UTS2R: variants seen among roughly 807,000 people sequenced by gnomAD.
UTS2R encodes urotensin-2 receptor.
For missense variants in UTS2R, 653 were observed against 562.2 expected (o/e 1.16, Z -1.63); for synonymous variants, 335 against 280.9 (o/e 1.19, Z -1.93).
rs2052453953 is a variant in UTS2R, at chr17:82,371,865, G to A, written c.-451G>A. 6.6e-6 allele frequency among the ~76,000 whole-genome samples: 1 copy of A among 151,504 alleles called. No individual in the cohort carries two copies. The highest frequency in any genetic ancestry group is 2.1e-4 in the South Asian group (1 of 4,828). ...CGGGACTGGCGGGCGCCCCTGCCGT[G>A]TGCTCTGGAAGCCGAGGCCACCGCG... On this transcript the variant is annotated 5_prime_UTR_variant, in exon 1 of 3. It adds an upstream start codon to the 5' untranslated region. Transcript: ENST00000313135. The surrounding 1 kb of genome is among the most constrained non-coding windows in gnomAD (Gnocchi z 6.3).
At chr17:82,373,642 CGACT>C (rs1192958178) in intron 2 of UTS2R, among the ~76,000 whole-genome samples, 4 of 152,206 alleles carry the variant, frequency 2.6e-5, no homozygotes, top group Admixed American at 6.5e-5. Flanking sequence ...TCCAGAACCT[CGACT>C]GACTGATTTA....
chr17:82,373,547 T>C (rs1229369738), intron 2 of UTS2R, among the ~76,000 whole-genome samples: 1 of 152,258 alleles, frequency 6.6e-6, no homozygotes, highest in Non-Finnish European at 1.5e-5. Flanking sequence ...GAAACCCATT[T>C]GCTTAGTCTT....
Position 82,375,664 on chromosome 17 carries a change from C to T in UTS2R, c.*170C>T. On this transcript the variant is annotated 3_prime_UTR_variant, in exon 3 of 3. Transcript: ENST00000313135. ...CCTTCCCGTGATGCCCAGAAGCGCCCACCCGCCTCCCTGAGGGTCTCCAGG... is the reference window on the plus strand; with the variant it reads ...CCTTCCCGTGATGCCCAGAAGCGCCTACCCGCCTCCCTGAGGGTCTCCAGG... 2.1e-6 allele frequency: 1 copy of T among 476,280 alleles called. No homozygotes were observed. Among genetic ancestry groups the T allele is most frequent in the Admixed American group, 4.4e-5 (1 of 22,926 alleles). The allele number at this position is 476,280 out of a possible 1,614,324, so 29.5% of individuals were successfully genotyped here.
Position 82,375,459 on chromosome 17 carries a change from C to T in UTS2R, c.1135C>T (p.Arg379Ter), listed in dbSNP as rs760105832. 8.6e-6 allele frequency: 13 copies of T among 1,515,238 alleles called. No homozygotes were observed. Among genetic ancestry groups the T allele is most frequent in the African/African-American group, 4.3e-5 (3 of 69,206 alleles). The allele number at this position is 1,515,238 out of a possible 1,614,324, so 93.9% of individuals were successfully genotyped here. ...SLVLAPAAPA[R>*]PAPEGPRAPA ...CGTGCTGGCCCCAGCGGCCCCGGCC[C>T]GACCTGCGCCCGAGGGTCCCAGGGC... The change falls in exon 3 of 3, where the codon CGA becomes TGA. Residue 379 changes from arginine to a stop codon, truncating the protein, a stop_gained. Transcript: ENST00000313135. LOFTEE classifies it low-confidence loss of function (END_TRUNC).
In UTS2R at chr17:82,375,251, C is replaced by T. The variant is rs1371720280; in HGVS notation, c.927C>T (p.Cys309=). ...CCTGCCTCACCTACGGCAACAGCTG[C>T]GCCAACCCCTTCCTCTACACGCTGC... ...LTTCLTYGNS[C]ANPFLYTLLT... The change falls in exon 3 of 3, where the codon TGC becomes TGT. Residue 309 remains cysteine, a synonymous_variant. Transcript: ENST00000313135. The T allele has an allele frequency of 1.3e-6, 2 of 1,580,806 alleles. No individual in the cohort carries two copies. The highest frequency in any genetic ancestry group is 2.3e-5 in the East Asian group (1 of 42,796).
At chr17:82,372,233 C>G (rs77272176) in intron 1 of UTS2R, among the ~76,000 whole-genome samples, 186 bp downstream of exon 1, 2 of 152,148 alleles carry the variant, frequency 1.3e-5, no homozygotes, top group Non-Finnish European at 2.9e-5. Context: ...CCCTAGCGAC[C>G]CTGGAGCAAT....
In UTS2R at chr17:82,373,859, C is replaced by T. The variant is rs367554276; in HGVS notation, c.-82-384C>T. On this transcript the variant is annotated intron_variant, in intron 2 of 2. Coordinates refer to ENST00000313135, the MANE Select transcript of UTS2R (RefSeq NM_018949.3). Reference sequence around the variant, plus strand: ...AGAAAGGACTCAGGAGTAAGTGGGCCCCACCTGTGCACAGACAAGAAAGTG... The same window carrying T: ...AGAAAGGACTCAGGAGTAAGTGGGCTCCACCTGTGCACAGACAAGAAAGTG... Among the ~76,000 whole-genome samples, 7 of 152,318 alleles carry T rather than the reference C, an allele frequency of 4.6e-5. No individual in the cohort carries two copies. In the East Asian group the frequency reaches 1.2e-3, roughly 25 times the overall value.
chr17:82,374,851 T>C lies in UTS2R; in HGVS notation c.527T>C (p.Leu176Pro), dbSNP rs888697817. The change falls in exon 3 of 3, where the codon CTG becomes CCG. Residue 176 changes from leucine (L) to proline (P), a missense_variant. Leu to Pro is a moderately conservative substitution (Grantham distance 98). Coordinates refer to ENST00000313135, the MANE Select transcript of UTS2R (RefSeq NM_018949.3). ...CTGCTGGCGCTGGGCACCTGGCTGC[T>C]GGCGCTGCTGCTGACGCTGCCCGTG... ...RKLLALGTWL[L>P]ALLLTLPVML... The C allele has an allele frequency of 2.9e-6, 4 of 1,388,084 alleles. No individual in the cohort carries two copies. The highest frequency in any genetic ancestry group is 3.0e-6 in the Non-Finnish European group (3 of 1,006,208). 86.0% of individuals were successfully genotyped at this position (1,388,084 alleles called of 1,614,324 possible).
rs1016333715 is a variant in UTS2R, at chr17:82,377,020, A to G, written c.*1526A>G. Among the ~76,000 whole-genome samples, 4 of 152,210 alleles carry G rather than the reference A, an allele frequency of 2.6e-5. No individual in the cohort carries two copies. Among genetic ancestry groups the G allele is most frequent in the Non-Finnish European group, 4.4e-5 (3 of 68,040 alleles). The stretch of plus-strand genomic sequence containing the variant: ...TGACAATGGCGGTTTTGTGGAATAG[A>G]AAGGCAGGAAAGGTGGGGAAAAGAT... On this transcript the variant is annotated 3_prime_UTR_variant, in exon 3 of 3. Transcript: ENST00000313135.
chr17:82,372,871 A>G (rs2052460474), intron 2 of UTS2R, among the ~76,000 whole-genome samples, 88 bp downstream of exon 2: 1 of 152,220 alleles, frequency 6.6e-6, no homozygotes, highest in Admixed American at 6.5e-5. Flanking sequence ...AAGCGGCGGC[A>G]CAGTCCAGGT....
In UTS2R at chr17:82,375,471, G is replaced by T; in HGVS notation, c.1147G>T (p.Glu383Ter). ...APAAPARPAPEGPRAPA is the reference protein window; with the variant it reads ...APAAPARPAP ...AGCGGCCCCGGCCCGACCTGCGCCCGAGGGTCCCAGGGCCCCGGCGTGAGC... is the reference window on the plus strand; with the variant it reads ...AGCGGCCCCGGCCCGACCTGCGCCCTAGGGTCCCAGGGCCCCGGCGTGAGC... The change falls in exon 3 of 3, where the codon GAG (glutamate) becomes TAG (stop). Residue 383 changes from glutamate to a stop codon, truncating the protein, a stop_gained. Coordinates refer to ENST00000313135, the MANE Select transcript of UTS2R (RefSeq NM_018949.3). LOFTEE classifies it high-confidence loss of function. The T allele has an allele frequency of 6.8e-7, 1 of 1,466,754 alleles. No homozygotes were observed. The highest frequency in any genetic ancestry group is 9.1e-7 in the Non-Finnish European group (1 of 1,098,758). The allele number at this position is 1,466,754 out of a possible 1,614,324, so 90.9% of individuals were successfully genotyped here.
In UTS2R at chr17:82,375,295, A is replaced by T; in HGVS notation, c.971A>T (p.Asp324Val). ...ACGCTGCTCACCAGGAACTACCGCG[A>T]CCACCTGCGCGGCCGCGTGCGGGGC... The part of the protein sequence containing the change: ...LYTLLTRNYR[D>V]HLRGRVRGPG... Residue 324 changes from aspartate to valine, a missense_variant, in exon 3 of 3, where the codon GAC (aspartate) becomes GTC (valine). Coordinates refer to ENST00000313135, the MANE Select transcript of UTS2R (RefSeq NM_018949.3). 1 of 1,552,316 alleles carries T rather than the reference A, an allele frequency of 6.4e-7. No individual in the cohort carries two copies.
Position 82,375,366 on chromosome 17 carries a change from C to T in UTS2R, c.1042C>T (p.Arg348Cys), listed in dbSNP as rs2052487260. The change falls in exon 3 of 3, where the codon CGC becomes TGC. Residue 348 changes from arginine to cysteine, a missense_variant. By Grantham distance (180) the Arg-to-Cys change is radical. Transcript: ENST00000313135. ...GGGGCCCGTTCCCTCCCTGCAGCCC[C>T]GCGCCCGCTTCCAGCGCTGTTCGGG... ...GRGPVPSLQP[R>C]ARFQRCSGRS... The T allele has an allele frequency of 1.3e-6, 2 of 1,578,056 alleles. No homozygotes were observed. Among genetic ancestry groups the T allele is most frequent in the Non-Finnish European group, 1.7e-6 (2 of 1,167,394 alleles).
At chr17:82,372,136 C>T (rs948963588) in intron 1 of UTS2R, among the ~76,000 whole-genome samples, 89 bp downstream of exon 1, 14 of 152,112 alleles carry the variant, frequency 9.2e-5, no homozygotes, top group Non-Finnish European at 1.9e-4. Context: ...CGGGGTTTCG[C>T]GGTGGGAACC....
chr17:82,374,450 C>G lies in UTS2R; in HGVS notation c.126C>G (p.Pro42=). 1 of 1,600,124 alleles carries G rather than the reference C, an allele frequency of 6.2e-7. No homozygotes were observed. Among genetic ancestry groups the G allele is most frequent in the Non-Finnish European group, 8.5e-7 (1 of 1,175,838 alleles). ...LNSSWASPTE[P]SSLEDLVATG... ...GCTCCTGGGCCAGCCCGACCGAGCC[C>G]AGCTCCCTGGAGGACCTGGTGGCCA... Residue 42 remains proline (P), a synonymous_variant, in exon 3 of 3, where the codon CCC becomes CCG. Coordinates refer to ENST00000313135, the MANE Select transcript of UTS2R (RefSeq NM_018949.3).
chr17:82,375,245 C>T lies in UTS2R; in HGVS notation c.921C>T (p.Asn307=). Residue 307 remains asparagine (N), a synonymous_variant, in exon 3 of 3, where the codon AAC becomes AAT. Coordinates refer to ENST00000313135, the MANE Select transcript of UTS2R (RefSeq NM_018949.3). ...TGACCACCTGCCTCACCTACGGCAA[C>T]AGCTGCGCCAACCCCTTCCTCTACA... ...NYLTTCLTYG[N]SCANPFLYTL... 1.9e-6 allele frequency: 3 copies of T among 1,582,568 alleles called. No homozygotes were observed. Among genetic ancestry groups the T allele is most frequent in the Non-Finnish European group, 2.6e-6 (3 of 1,165,726 alleles).
At position 82,375,534 on chromosome 17, in the gene UTS2R, C is replaced by T; in HGVS notation, c.*40C>T. On this transcript the variant is annotated 3_prime_UTR_variant, in exon 3 of 3. Coordinates refer to ENST00000313135, the MANE Select transcript of UTS2R (RefSeq NM_018949.3). Reference sequence around the variant, plus strand: ...GGCTGGAGTCCAGGCGGGGACGCGCCCCAAAGCCCCAGCCACTCCCGGGAG... The same window carrying T: ...GGCTGGAGTCCAGGCGGGGACGCGCTCCAAAGCCCCAGCCACTCCCGGGAG... The T allele has an allele frequency of 2.4e-6, 2 of 828,264 alleles. No individual in the cohort carries two copies. Among genetic ancestry groups the T allele is most frequent in the Non-Finnish European group, 3.5e-6 (2 of 571,320 alleles). 51.3% of individuals were successfully genotyped at this position (828,264 alleles called of 1,614,324 possible). A position where few individuals can be genotyped will look rare whatever the true frequency, so the allele number is the denominator to read the frequency against.
At position 82,374,898 on chromosome 17, in the gene UTS2R, C is replaced by A; in HGVS notation, c.574C>A (p.Arg192Ser). Residue 192 changes from arginine to serine, a missense_variant, in exon 3 of 3, where the codon CGC (arginine) becomes AGC (serine). By Grantham distance (110) the Arg-to-Ser change is moderately radical. Coordinates refer to ENST00000313135, the MANE Select transcript of UTS2R (RefSeq NM_018949.3). ...CGTGATGCTGGCCATGCGGCTGGTG[C>A]GCCGGGGTCCCAAGAGCCTGTGCCT... is the stretch of plus-strand genomic sequence containing the variant. Reference protein sequence around the residue: ...LPVMLAMRLVRRGPKSLCLPA... With the variant: ...LPVMLAMRLVSRGPKSLCLPA... 1 of 1,218,248 alleles carries A rather than the reference C, an allele frequency of 8.2e-7. No individual in the cohort carries two copies. The highest frequency in any genetic ancestry group is 1.2e-6 in the Non-Finnish European group (1 of 855,336). 75.5% of individuals were successfully genotyped at this position (1,218,248 alleles called of 1,614,324 possible). A position where few individuals can be genotyped will look rare whatever the true frequency, so the allele number is the denominator to read the frequency against.
chr17:82,374,582 G>C lies in UTS2R; in HGVS notation c.258G>C (p.Met86Ile). ...GCTCCCTGCGTGCGGTGGCCTCCAT[G>C]TACGTCTACGTGGTCAACCTGGCGC... ...TCRSLRAVASMYVYVVNLALA... is the reference protein window; with the variant it reads ...TCRSLRAVASIYVYVVNLALA... Residue 86 changes from methionine (M) to isoleucine (I), a missense_variant, in exon 3 of 3, where the codon ATG (methionine) becomes ATC (isoleucine). By Grantham distance (10) the Met-to-Ile change is conservative (BLOSUM62 1). Transcript: ENST00000313135. 1 of 1,603,716 alleles carries C rather than the reference G, an allele frequency of 6.2e-7. No homozygotes were observed.
Sources: gnomAD v4.1 joint callset for allele counts (sites outside exome capture counted in the v4.1 genomes callset) on GRCh38, gnomAD v4.1.1 for gene constraint, Gnocchi (gnomAD v3.1) non-coding constraint, MANE v1.5 for transcripts, NCBI Gene and HGNC (gene_info 2026-07-23, HGNC 2026-07-21) for gene names.